The following AFF1 variants were observed in gnomAD, a reference collection of about 807,000 sequenced individuals.
AFF1 encodes AF4/FMR2 family member 1.
In AFF1, 48 loss-of-function variants were observed where a neutral mutation model predicts 121.7. That is an observed-to-expected ratio of 0.39 (90% confidence interval 0.31 to 0.50). AFF1 has a LOEUF of 0.50. AFF1 is among the 20% of genes least tolerant of loss of function. The pLI is 0.76. For missense variants in AFF1, 1,523 were observed against 1,511.7 expected (o/e 1.01, Z -0.12); for synonymous variants, 613 against 563.0 (o/e 1.09, Z -1.26).
chr4:87,125,305 G>C (rs976086238), intron 13 of AFF1, 162 bp downstream of exon 13: 1 of 435,048 alleles, frequency 2.3e-6, no homozygotes, highest in African/African-American at 2.0e-5. Flanking sequence ...GCATCCATGA[G>C]GACCTTACAG....
chr4:86,987,346 G>A (rs961338050), intron 2 of AFF1, among the ~76,000 whole-genome samples: 4 of 152,100 alleles, frequency 2.6e-5, no homozygotes, highest in African/African-American at 7.2e-5. Flanking sequence ...CAGGGCTCAC[G>A]CTGGATGACC....
intron 2 of AFF1, among the ~76,000 whole-genome samples, chr4:86,955,401 T>C (rs948660138): frequency 1.3e-5 from 2 of 152,264 alleles, no homozygotes; most frequent in East Asian, 1.9e-4. Context: ...GCTTGGACTT[T>C]CTAATTTCTT....
chr4:86,968,245 T>TA (rs1466824347), intron 2 of AFF1, among the ~76,000 whole-genome samples: 1 of 152,228 alleles, frequency 6.6e-6, no homozygotes, highest in Admixed American at 6.5e-5. Context: ...TTTTTGTTTT[T>TA]ATCTTCCTTA....
intron 6 of AFF1, among the ~76,000 whole-genome samples, chr4:87,090,993 C>T (rs1339998301): frequency 1.9e-5 from 2 of 104,484 alleles, no homozygotes; most frequent in Admixed American, 1.5e-4. Context: ...CCAGCCTAGA[C>T]AACGGTGAGA....
At chr4:86,951,726 A>G (rs1405293978) in intron 2 of AFF1, among the ~76,000 whole-genome samples, 7 of 147,392 alleles carry the variant, frequency 4.7e-5, no homozygotes, top group African/African-American at 1.5e-4. Context: ...GGTTCAAGCA[A>G]TTCTCCTGCC....
chr4:87,062,415 G>A (rs559877388), intron 4 of AFF1, among the ~76,000 whole-genome samples: 6 of 152,154 alleles, frequency 3.9e-5, no homozygotes, highest in South Asian at 2.1e-4. Context: ...AGCACCTCCC[G>A]GTAGCCCTGC....
chr4:87,122,453 A>G (rs1023696105), intron 12 of AFF1, among the ~76,000 whole-genome samples: 5 of 152,228 alleles, frequency 3.3e-5, no homozygotes, highest in East Asian at 1.9e-4. Context: ...GCAATGCCCC[A>G]GCAAGCTTCT....
At chr4:87,063,367 A>G (rs1720993802) in intron 4 of AFF1, among the ~76,000 whole-genome samples, 3 of 149,206 alleles carry the variant, frequency 2.0e-5, no homozygotes. Flanking sequence ...AGCCTTCCCA[A>G]GTAGCTGGGA....
chr4:87,014,443 A>G (rs1403202345), intron 2 of AFF1, among the ~76,000 whole-genome samples: 5 of 152,260 alleles, frequency 3.3e-5, no homozygotes, highest in Non-Finnish European at 7.3e-5. Flanking sequence ...GTACTGCTGA[A>G]CAAATAATGT....
chr4:87,094,909 C>A lies in AFF1; in HGVS notation c.1229-6C>A. On this transcript the variant is annotated splice_polypyrimidine_tract_variant and splice_region_variant and intron_variant, in intron 7 of 20. Transcript: ENST00000395146. ...TGTGCTGCTTTGATGTTTCTCTCCC[C>A]CACAGAACAATATGATACATCTTCA... The A allele has an allele frequency of 6.2e-7, 1 of 1,613,110 alleles. No individual in the cohort carries two copies. Among genetic ancestry groups the A allele is most frequent in the Non-Finnish European group, 8.5e-7 (1 of 1,179,150 alleles).
At chr4:87,084,503 C>G (rs968068270) in intron 5 of AFF1, among the ~76,000 whole-genome samples, 1 of 151,474 alleles carries the variant, frequency 6.6e-6, no homozygotes, top group African/African-American at 2.4e-5. Context: ...GAGCTGAGAT[C>G]ACGCCACTGC....
chr4:87,122,130 G>A (rs1047919437), intron 12 of AFF1, among the ~76,000 whole-genome samples: 6 of 152,204 alleles, frequency 3.9e-5, no homozygotes, highest in Non-Finnish European at 8.8e-5. Context: ...GTTCAATTTA[G>A]TATCGATCTG....
rs533494400 is a variant in AFF1, at chr4:86,948,249, T to C, written c.-36-249T>C. ...TTCCTTTTCTCCTCCCCCTCCTCCT[T>C]ATGGTAAACTTGTGCACATTGTTTT... On this transcript the variant is annotated intron_variant, in intron 1 of 20. Transcript: ENST00000395146. 2.6e-5 allele frequency among the ~76,000 whole-genome samples: 4 copies of C among 152,266 alleles called. 1 individual carries two copies. The highest frequency in any genetic ancestry group is 4.2e-4 in the South Asian group (2 of 4,812).
intron 4 of AFF1, among the ~76,000 whole-genome samples, chr4:87,066,352 G>T (rs1410889895): frequency 6.6e-6 from 1 of 152,166 alleles, no homozygotes; most frequent in East Asian, 1.9e-4. Flanking sequence ...GCCAGGCTGA[G>T]GTGGGAGGAT....
At chr4:87,132,980 G>A (rs1728969717) in intron 19 of AFF1, among the ~76,000 whole-genome samples, 1 of 152,242 alleles carries the variant, frequency 6.6e-6, no homozygotes, top group South Asian at 2.1e-4. Context: ...ACAGGCGTGA[G>A]CCACCGCACC....
chr4:87,050,963 G>A (rs575177097), intron 4 of AFF1, among the ~76,000 whole-genome samples: 2 of 152,380 alleles, frequency 1.3e-5, no homozygotes, highest in East Asian at 3.9e-4. Context: ...TGGGGGCATT[G>A]AGATGGAACG....
chr4:86,939,384 C>T (rs1366385624), intron 1 of AFF1, among the ~76,000 whole-genome samples: 1 of 152,202 alleles, frequency 6.6e-6, no homozygotes, highest in African/African-American at 2.4e-5. Flanking sequence ...TACAGCTTGA[C>T]TCTAAAATAT....
At chr4:87,074,193 A>G (rs751620863) in intron 4 of AFF1, among the ~76,000 whole-genome samples, 2 of 152,174 alleles carry the variant, frequency 1.3e-5, no homozygotes, top group Non-Finnish European at 2.9e-5. Flanking sequence ...CGTGAGCAGA[A>G]TTGGTTGTAG....
rs188102693 is a variant in AFF1, at chr4:87,058,155, G to A, written c.1059+10561G>A. Among the ~76,000 whole-genome samples the A allele has an allele frequency of 1.6e-3, 248 of 152,264 alleles. 1 individual carries two copies. The highest frequency in any genetic ancestry group is 5.8e-3 in the African/African-American group (239 of 41,534). On this transcript the variant is annotated intron_variant, in intron 4 of 20. Coordinates refer to ENST00000395146, the MANE Select transcript of AFF1 (RefSeq NM_001166693.3). ...TCACCATTTTACATGCCGTGGAACT[G>A]AGTCTCTAAATTTAATTTAAGCTAG... is the stretch of plus-strand genomic sequence containing the variant.
Sources: gnomAD v4.1 joint callset for allele counts (sites outside exome capture counted in the v4.1 genomes callset) on GRCh38, gnomAD v4.1.1 for gene constraint, MANE v1.5 for transcripts, NCBI Gene and HGNC (gene_info 2026-07-23, HGNC 2026-07-21) for gene names.